Variants in CCDC170 observed in about 807,000 individuals in gnomAD.
The protein encoded by CCDC170 is coiled-coil domain-containing protein 170.
In CCDC170, 69 loss-of-function variants were observed where a neutral mutation model predicts 72.6. That is an observed-to-expected ratio of 0.95 (90% confidence interval 0.78 to 1.16). CCDC170 has a LOEUF of 1.16. CCDC170 is among the 50% of genes most tolerant of loss of function. The pLI is 0.00. For missense variants in CCDC170, 852 were observed against 832.5 expected, an observed-to-expected ratio of 1.02 and a Z score of -0.29; for synonymous variants, 300 against 303.9, an observed-to-expected ratio of 0.99 and a Z score of 0.13.
intron 6 of CCDC170, among the ~76,000 whole-genome samples, chr6:151,580,925 A>G (rs763517174): frequency 6.6e-6 from 1 of 152,216 alleles, no homozygotes; most frequent in Non-Finnish European, 1.5e-5. Flanking sequence ...ATACTAGACT[A>G]TGTAGTCTAT....
intron 6 of CCDC170, among the ~76,000 whole-genome samples, chr6:151,585,061 G>C (rs1462525407): frequency 6.6e-6 from 1 of 152,142 alleles, no homozygotes; most frequent in African/African-American, 2.4e-5. Flanking sequence ...ACTGGATTTA[G>C]TAAAATCAGT....
rs186327253 is a variant in CCDC170, at chr6:151,610,745, G to T, written c.1711-4698G>T. Among the ~76,000 whole-genome samples the T allele has an allele frequency of 1.1e-4, 17 of 152,202 alleles. No individual in the cohort carries two copies. The East Asian group carries it at 2.1e-3, about 19-fold the overall frequency. ...AGCCCCTGTAGACCTGCACTTAGTG[G>T]GTGCCATTTCCCTGTCTCAGGTGCC... is the stretch of plus-strand genomic sequence containing the variant. On this transcript the variant is annotated intron_variant, in intron 9 of 10. Coordinates refer to ENST00000239374, the MANE Select transcript of CCDC170 (RefSeq NM_025059.4).
At chr6:151,604,025 A>G (rs1776748103) in intron 9 of CCDC170, among the ~76,000 whole-genome samples, 3 of 152,180 alleles carry the variant, frequency 2.0e-5, no homozygotes, top group Admixed American at 6.5e-5. Context: ...GCCCAACCTT[A>G]GTAAGGAGCT....
intron 8 of CCDC170, among the ~76,000 whole-genome samples, chr6:151,595,347 A>G (rs992103683): frequency 2.6e-5 from 4 of 152,164 alleles, no homozygotes; most frequent in Non-Finnish European, 5.9e-5. Context: ...CCAATGATAA[A>G]TGATGTTTGA....
At chr6:151,552,573 T>G (rs1451520037) in intron 5 of CCDC170, among the ~76,000 whole-genome samples, 1 of 152,160 alleles carries the variant, frequency 6.6e-6, no homozygotes, top group African/African-American at 2.4e-5. Flanking sequence ...TTTATTTATT[T>G]ACTGTGTTAT....
chr6:151,538,211 C>T lies in CCDC170; in HGVS notation c.353C>T (p.Ser118Phe). Residue 118 changes from serine (S) to phenylalanine (F), a missense_variant, in exon 3 of 11, where the codon TCT (serine) becomes TTT (phenylalanine). Coordinates refer to ENST00000239374, the MANE Select transcript of CCDC170 (RefSeq NM_025059.4). ...LEEESAALST[S>F]KIRTEITAHA... ...GAAGAATCAGCAGCACTTTCCACTT[C>T]TAAAATCAGAACAGAAATCACAGCT... 6.2e-7 allele frequency: 1 copy of T among 1,613,770 alleles called. No homozygotes were observed. The highest frequency in any genetic ancestry group is 1.7e-4 in the Middle Eastern group (1 of 6,058).
intron 9 of CCDC170, among the ~76,000 whole-genome samples, chr6:151,609,364 A>G (rs1437664334): frequency 6.6e-6 from 1 of 152,164 alleles, no homozygotes; most frequent in Non-Finnish European, 1.5e-5. Context: ...GGTGTTTTCA[A>G]TGCAGCTTCC....
chr6:151,517,789 C>T (rs982798027), intron 1 of CCDC170, among the ~76,000 whole-genome samples: 27 of 152,130 alleles, frequency 1.8e-4, no homozygotes, highest in Admixed American at 1.6e-3. Flanking sequence ...TCATGTCTGT[C>T]GACTTGGAAG....
At chr6:151,533,305 T>C (rs561166242) in intron 1 of CCDC170, among the ~76,000 whole-genome samples, 44 of 151,752 alleles carry the variant, frequency 2.9e-4, no homozygotes, top group South Asian at 6.3e-4. Flanking sequence ...CTGCCCGCCT[T>C]GGCCTCCCAA....
At chr6:151,501,480 C>G (rs1781994144) in intron 1 of CCDC170, among the ~76,000 whole-genome samples, 1 of 152,120 alleles carries the variant, frequency 6.6e-6, no homozygotes, top group African/African-American at 2.4e-5. Context: ...TGTTTTGTAA[C>G]TTTTTTGGAA....
intron 5 of CCDC170, among the ~76,000 whole-genome samples, chr6:151,569,774 C>A (rs896254294): frequency 1.8e-4 from 28 of 152,286 alleles, no homozygotes; most frequent in Admixed American, 1.6e-3. Context: ...CAGCCCTGTG[C>A]CCCTGAATCC....
At chr6:151,514,344 G>A (rs1782198403) in intron 1 of CCDC170, among the ~76,000 whole-genome samples, 1 of 109,436 alleles carries the variant, frequency 9.1e-6, no homozygotes, top group Non-Finnish European at 1.8e-5. Flanking sequence ...AAGGAGGGAG[G>A]GAGGGAGGGA....
chr6:151,578,208 C>T (rs964636375), intron 6 of CCDC170, among the ~76,000 whole-genome samples: 4 of 152,206 alleles, frequency 2.6e-5, no homozygotes, highest in Non-Finnish European at 5.9e-5. Context: ...CCAGCCTCTC[C>T]AGTTATATGA....
Position 151,503,137 on chromosome 6 carries a change from G to A in CCDC170, c.57+8952G>A, listed in dbSNP as rs372414434. On this transcript the variant is annotated intron_variant, in intron 1 of 10. Coordinates refer to ENST00000239374, the MANE Select transcript of CCDC170 (RefSeq NM_025059.4). ...GGTTGCAGTGAGCCGAGATCACGCC[G>A]CTGCCCTCTGGCCTGGCGACAGGGC... is the stretch of plus-strand genomic sequence containing the variant. Among the ~76,000 whole-genome samples the A allele has an allele frequency of 8.3e-4, 126 of 152,142 alleles. 2 individuals carry two copies. The highest frequency in any genetic ancestry group is 3.0e-3 in the African/African-American group (123 of 41,514).
At chr6:151,565,616 ATTC>A (rs1562284153) in intron 5 of CCDC170, among the ~76,000 whole-genome samples, 1 of 152,058 alleles carries the variant, frequency 6.6e-6, no homozygotes, top group East Asian at 1.9e-4. Context: ...TCGCTGTTTT[ATTC>A]TTCTTTGTGG....
intron 5 of CCDC170, among the ~76,000 whole-genome samples, chr6:151,555,773 T>C (rs942531182): frequency 6.6e-6 from 1 of 152,220 alleles, no homozygotes; most frequent in African/African-American, 2.4e-5. Context: ...CTTCAAATGG[T>C]TAAGGACATT....
chr6:151,554,460 C>G (rs1782941238), intron 5 of CCDC170, among the ~76,000 whole-genome samples: 1 of 152,108 alleles, frequency 6.6e-6, no homozygotes, highest in South Asian at 2.1e-4. Context: ...TGCAGTGGCT[C>G]AAGCTTGTAA....
At chr6:151,586,999 T>C (rs1006166621) in intron 7 of CCDC170, among the ~76,000 whole-genome samples, 1 of 151,882 alleles carries the variant, frequency 6.6e-6, no homozygotes, top group Non-Finnish European at 1.5e-5. Flanking sequence ...TTAGCTGGGG[T>C]GGTCTCGATC....
In CCDC170 at chr6:151,497,970, A is replaced by AG. The variant is rs1562819647; in HGVS notation, c.57+3785_57+3786insG. On this transcript the variant is annotated intron_variant, in intron 1 of 10. Coordinates refer to ENST00000239374, the MANE Select transcript of CCDC170 (RefSeq NM_025059.4). ...ACCATCTCAAAAAAAAAAAAAAAAA[A>AG]AAAAAGAAAAGTGACCTAATTATAA... is the stretch of plus-strand genomic sequence containing the variant. Among the ~76,000 whole-genome samples, 51 of 151,720 alleles carry AG rather than the reference A, an allele frequency of 3.4e-4. 2 individuals are homozygous for AG. The South Asian group carries it at 0.01, about 31-fold the overall frequency.
Sources: gnomAD v4.1 joint callset for allele counts (sites outside exome capture counted in the v4.1 genomes callset) on GRCh38, gnomAD v4.1.1 for gene constraint, MANE v1.5 for transcripts, NCBI Gene and HGNC (gene_info 2026-07-23, HGNC 2026-07-21) for gene names.